The following CHAT variants were observed in gnomAD, a reference collection of about 807,000 sequenced individuals.
CHAT encodes the protein acetyl CoA:choline O-acetyltransferase.
CHAT carries 61 observed loss-of-function variants against 76.9 expected under a neutral mutation model. The observed-to-expected ratio is 0.79, with a 90% CI of 0.65 to 0.98. CHAT has a LOEUF of 0.98. CHAT is among the 50% of genes least tolerant of loss of function. The probability of loss-of-function intolerance (pLI) is 0.00; values close to 1 mark genes in which losing one functional copy is unlikely to be tolerated. For missense variants in CHAT, 946 were observed against 986.9 expected (o/e 0.96, Z 0.56); for synonymous variants, 407 against 397.4 (o/e 1.02, Z -0.29).
chr10:49,614,318 G>A lies in CHAT; in HGVS notation c.129G>A (p.Gly43=), dbSNP rs997258000. 2 of 1,547,672 alleles carry A rather than the reference G, an allele frequency of 1.3e-6. No homozygotes were observed. Among genetic ancestry groups the A allele is most frequent in the African/African-American group, 1.4e-5 (1 of 72,942 alleles). Residue 43 remains glycine (G), a synonymous_variant, in exon 1 of 15, where the codon GGG becomes GGA. Transcript: ENST00000337653. ...PACFLQSGGR[G]DPGDVGGPAG... is the part of the protein sequence containing the mutation. ...GCTTTCTCCAGTCGGGTGGCCGCGG[G>A]GACCCGGGCGACGTCGGAGGCCCTG...
chr10:49,665,117 G>T lies in CHAT; in HGVS notation c.*71G>T. 6.5e-7 allele frequency: 1 copy of T among 1,549,294 alleles called. No homozygotes were observed. Among genetic ancestry groups the T allele is most frequent in the Non-Finnish European group, 8.9e-7 (1 of 1,126,132 alleles). ...CCAGACCCTGCAGATCCCCACTCCC[G>T]TCCCTTACCCCAGCTTTCCACAGCT... On this transcript the variant is annotated 3_prime_UTR_variant, in exon 15 of 15. Transcript: ENST00000337653.
intron 14 of CHAT, among the ~76,000 whole-genome samples, 191 bp downstream of exon 14, chr10:49,662,973 C>A (rs1840244687): frequency 6.6e-6 from 1 of 152,190 alleles, no homozygotes; most frequent in Non-Finnish European, 1.5e-5. Flanking sequence ...TGGCTTACAA[C>A]TATAATCCCA....
At chr10:49,629,820 C>G (rs532694508) in intron 7 of CHAT, among the ~76,000 whole-genome samples, 1 of 152,350 alleles carries the variant, frequency 6.6e-6, no homozygotes, top group Admixed American at 6.5e-5. Flanking sequence ...CAGATCCCCC[C>G]TCCCCAGAGC....
chr10:49,627,778 C>T lies in CHAT; in HGVS notation c.1104C>T (p.Leu368=), dbSNP rs551349781. Residue 368 remains leucine, a synonymous_variant, in exon 7 of 15, where the codon CTC becomes CTT. Transcript: ENST00000337653. ...RSEWAEARTV[L]VKDSTNRDSL... ...AGTGGGCCGAGGCCAGGACGGTCCTCGTGAAAGGTCAGCCGCAGTGCCCAG... is the reference window on the plus strand; with the variant it reads ...AGTGGGCCGAGGCCAGGACGGTCCTTGTGAAAGGTCAGCCGCAGTGCCCAG... The T allele has an allele frequency of 2.5e-5, 41 of 1,613,574 alleles. No individual in the cohort carries two copies. The East Asian group carries it at 2.9e-4, about 11-fold the overall frequency.
chr10:49,642,543 G>A (rs1839519380), intron 7 of CHAT, among the ~76,000 whole-genome samples: 1 of 152,228 alleles, frequency 6.6e-6, no homozygotes, highest in African/African-American at 2.4e-5. Flanking sequence ...GTGATGCCCA[G>A]GGAGCCATTC....
rs1368301843 is a variant in CHAT at position 49,666,716 on chromosome 10, A to C, written c.*1670A>C. Among the ~76,000 whole-genome samples the C allele has an allele frequency of 6.6e-6, 1 of 152,210 alleles. No individual in the cohort carries two copies. Among genetic ancestry groups the C allele is most frequent in the South Asian group, 2.1e-4 (1 of 4,830 alleles). ...AGATGGAGGATCTCTATTAGATGTC[A>C]TGGGAGATTTGGGCACTACCCTTTG... On this transcript the variant is annotated 3_prime_UTR_variant, in exon 15 of 15. Transcript: ENST00000337653.
chr10:49,639,588 T>C (rs1839413579), intron 7 of CHAT, among the ~76,000 whole-genome samples: 1 of 151,854 alleles, frequency 6.6e-6, no homozygotes, highest in Admixed American at 6.6e-5. Context: ...TGTGTGTCTA[T>C]GTATAGATAC....
At chr10:49,640,589 T>A (rs976312174) in intron 7 of CHAT, among the ~76,000 whole-genome samples, 2 of 152,112 alleles carry the variant, frequency 1.3e-5, no homozygotes, top group Non-Finnish European at 2.9e-5. Flanking sequence ...TCAATGGAGA[T>A]AGAATTCTCA....
chr10:49,647,826 G>A (rs1199154324), intron 8 of CHAT: 4 of 150,964 alleles, frequency 2.6e-5, no homozygotes, highest in Non-Finnish European at 5.9e-5. Context: ...GACAGGCACA[G>A]ATAAGTACTA....
Position 49,667,533 on chromosome 10 carries a change from C to A in CHAT, c.*2487C>A, listed in dbSNP as rs1271955241. On this transcript the variant is annotated 3_prime_UTR_variant, in exon 15 of 15. Transcript: ENST00000337653. ...AGGAAGAGGCTGGAAGCTGGTCTTC[C>A]CCCTCCAAGAATACACGGGTGCACT... 6.6e-6 allele frequency among the ~76,000 whole-genome samples: 1 copy of A among 152,144 alleles called. No individual in the cohort carries two copies. Among genetic ancestry groups the A allele is most frequent in the Non-Finnish European group, 1.5e-5 (1 of 68,020 alleles).
rs1279554995 is a variant in CHAT at position 49,662,636 on chromosome 10, A to G, written c.1840-9A>G. On this transcript the variant is annotated splice_polypyrimidine_tract_variant and intron_variant, in intron 13 of 14. Coordinates refer to ENST00000337653, the MANE Select transcript of CHAT (RefSeq NM_020549.5). ...TCTCATCTCCTGTTCTTTGTCCCCA[A>G]CTACACAGGCCATAACAGGGATGGC... 25 of 1,613,806 alleles carry G rather than the reference A, an allele frequency of 1.5e-5. No individual in the cohort carries two copies. Among genetic ancestry groups the G allele is most frequent in the Non-Finnish European group, 2.0e-5 (24 of 1,179,974 alleles).
intron 4 of CHAT, among the ~76,000 whole-genome samples, chr10:49,621,549 C>A (rs1372049919): frequency 6.6e-6 from 1 of 152,060 alleles, no homozygotes; most frequent in Non-Finnish European, 1.5e-5. Context: ...TCATTAGTAC[C>A]GGGGGGTGGG....
intron 7 of CHAT, among the ~76,000 whole-genome samples, chr10:49,639,833 G>A (rs1160315152): frequency 6.6e-6 from 1 of 151,976 alleles, no homozygotes; most frequent in African/African-American, 2.4e-5. Context: ...CCTCTCCTGG[G>A]AATTTGGTGA....
intron 13 of CHAT, among the ~76,000 whole-genome samples, chr10:49,662,028 C>T (rs530438284): frequency 2.6e-5 from 4 of 152,298 alleles, no homozygotes; most frequent in East Asian, 1.9e-4. Flanking sequence ...TGTCTCAAAA[C>T]GATTTCTTAG....
chr10:49,654,089 G>C (rs549855494), intron 11 of CHAT, among the ~76,000 whole-genome samples: 33 of 152,362 alleles, frequency 2.2e-4, no homozygotes, highest in African/African-American at 7.5e-4. Flanking sequence ...CAGAAACCTA[G>C]AGGCTGCCTG....
chr10:49,621,952 T>TGAGGGAGGGAGGAGGGAGGGAG (rs1838726921), intron 4 of CHAT, 145 bp from the exon 5 acceptor site: 1 of 69,146 alleles, frequency 1.4e-5, no homozygotes, highest in Non-Finnish European at 2.5e-5. Flanking sequence ...GCAGTGGGGA[T>TGAGGGAGGGAGGAGGGAGGGAG]GAGGGAGGGA....
Position 49,616,568 on chromosome 10 carries a change from A to C in CHAT, c.353A>C (p.Lys118Thr). The change falls in exon 2 of 15, where the codon AAG (lysine) becomes ACG (threonine). Residue 118 changes from lysine to threonine, a missense_variant. By Grantham distance (78) the Lys-to-Thr change is moderately conservative (BLOSUM62 -1). Coordinates refer to ENST00000337653, the MANE Select transcript of CHAT (RefSeq NM_020549.5). ...KTPILEKVPR[K>T]MAAKTPSSEE... is the part of the protein sequence containing the mutation. ...CCCATCCTGGAAAAGGTCCCCCGTA[A>C]GATGGCAGCAAAAACTCCCAGCAGT... 1 of 1,612,930 alleles carries C rather than the reference A, an allele frequency of 6.2e-7. No individual in the cohort carries two copies. Among genetic ancestry groups the C allele is most frequent in the Non-Finnish European group, 8.5e-7 (1 of 1,179,354 alleles).
rs1838973309 is a variant in CHAT at position 49,627,715 on chromosome 10, G to A, written c.1041G>A (p.Leu347=). Residue 347 remains leucine, a synonymous_variant, in exon 7 of 15, where the codon TTG becomes TTA. Transcript: ENST00000337653. ...VKMASNEDER[L]PPIGLLTSDG... is the part of the protein sequence containing the mutation. The stretch of plus-strand genomic sequence containing the variant: ...TGGCTTCCAACGAGGACGAGCGTTT[G>A]CCTCCAATTGGCCTGCTGACGTCTG... The A allele has an allele frequency of 1.5e-5, 25 of 1,614,150 alleles. No individual in the cohort carries two copies. The East Asian group carries it at 5.6e-4, about 36-fold the overall frequency.
At chr10:49,629,815 C>A (rs571772942) in intron 7 of CHAT, among the ~76,000 whole-genome samples, 7 of 152,300 alleles carry the variant, frequency 4.6e-5, no homozygotes, top group African/African-American at 7.2e-5. Flanking sequence ...CTTCACAGAT[C>A]CCCCCTCCCC....
Sources: allele counts gnomAD v4.1 joint callset (sites outside exome capture counted in the v4.1 genomes callset), GRCh38; gene constraint gnomAD v4.1.1; transcripts MANE v1.5; gene names NCBI Gene and HGNC (gene_info 2026-07-23, HGNC 2026-07-21).